KIF1A: variants seen among roughly 807,000 people sequenced by gnomAD.
The protein encoded by KIF1A is kinesin-like protein KIF1A.
KIF1A carries 46 observed loss-of-function variants against 227.3 expected under a neutral mutation model. The observed-to-expected ratio is 0.20, with a 90% confidence interval of 0.16 to 0.26. The LOEUF is 0.26. Among genes scored for constraint, KIF1A ranks in the 10% least tolerant of loss-of-function variants. The pLI, the probability that KIF1A is intolerant of heterozygous loss-of-function variation, is 1.00. For synonymous variants in KIF1A, 1,022 were observed against 1,012.8 expected, an observed-to-expected ratio of 1.01 and a Z score of -0.17; for missense variants, 1,683 against 2,485.9, an observed-to-expected ratio of 0.68 and a Z score of 6.87.
At chr2:240,814,440 A>C (rs969164386) in intron 1 of KIF1A, among the ~76,000 whole-genome samples, 1 of 152,012 alleles carries the variant, frequency 6.6e-6, no homozygotes, top group Non-Finnish European at 1.5e-5. Flanking sequence ...CAGCAAAAAC[A>C]CTCTCACACA....
At chr2:240,807,040 G>A (rs2057453934) in intron 1 of KIF1A, among the ~76,000 whole-genome samples, 1 of 151,188 alleles carries the variant, frequency 6.6e-6, no homozygotes, top group African/African-American at 2.4e-5. Context: ...ATATGAGCTG[G>A]TGTACTATTT....
In KIF1A at chr2:240,725,733, G is replaced by A. The variant is rs11676368; in HGVS notation, c.4123-329C>T. On this transcript the variant is annotated intron_variant, in intron 39 of 48. Coordinates refer to ENST00000498729, the MANE Select transcript of KIF1A (RefSeq NM_001244008.2). The surrounding 1 kb of genome is among the most constrained non-coding windows in gnomAD (Gnocchi z 5.8). ...CATAAAATTGGGGTGACCCCTCCCC[G>A]ACCCTGGAATGTCTGTGAGGATCAA... 1,726 of 277,214 alleles carry A rather than the reference G, an allele frequency of 6.2e-3. 11 individuals carry two copies. Among genetic ancestry groups the A allele is most frequent in the Non-Finnish European group, 9.1e-3 (1,353 of 148,462 alleles). 17.2% of individuals were successfully genotyped at this position (277,214 alleles called of 1,614,324 possible).
At chr2:240,770,564 C>G (rs548782748) in intron 15 of KIF1A, among the ~76,000 whole-genome samples, 41 of 152,314 alleles carry the variant, frequency 2.7e-4, no homozygotes, top group African/African-American at 9.4e-4. Context: ...GCTCACTGCT[C>G]CTTGAACAAG....
chr2:240,721,164 C>CTT (rs2045327779), intron 44 of KIF1A, 126 bp from the exon 45 acceptor site: 1 of 1,287,206 alleles, frequency 7.8e-7, no homozygotes, highest in Non-Finnish European at 1.1e-6. Flanking sequence ...CTCCTACCAG[C>CTT]AGCCTTGGCT....
In KIF1A at chr2:240,744,071, G is replaced by C. The variant is rs1559494216; in HGVS notation, c.3466-11C>G. 6.3e-7 allele frequency: 1 copy of C among 1,582,242 alleles called. No homozygotes were observed. Among genetic ancestry groups the C allele is most frequent in the South Asian group, 1.1e-5 (1 of 90,448 alleles). On this transcript the variant is annotated splice_polypyrimidine_tract_variant and intron_variant, in intron 32 of 48. Transcript: ENST00000498729. ...CACCTCCACTGCGATCTGGTGGGCA[G>C]GCAGGTGGGAGGACAGGAGGGCACG...
At chr2:240,769,420 C>G (rs1460580306) in intron 16 of KIF1A, among the ~76,000 whole-genome samples, 1 of 152,148 alleles carries the variant, frequency 6.6e-6, no homozygotes, top group Non-Finnish European at 1.5e-5. Flanking sequence ...GGCCTCAGGT[C>G]TCTCAGGCCT....
chr2:240,735,785 G>A (rs969894459), intron 38 of KIF1A, among the ~76,000 whole-genome samples: 7 of 152,102 alleles, frequency 4.6e-5, no homozygotes, highest in Admixed American at 1.3e-4. Context: ...GCCCCGGCCC[G>A]TCCCACCTGG....
chr2:240,771,902 C>G (rs1247945497), intron 14 of KIF1A, among the ~76,000 whole-genome samples: 1 of 152,162 alleles, frequency 6.6e-6, no homozygotes, highest in African/African-American at 2.4e-5. Context: ...CAGGGGTCTC[C>G]TAGCGGAAGC....
chr2:240,761,420 A>C (rs1575587979), intron 23 of KIF1A, 43 bp from the exon 24 acceptor site: 1 of 1,509,012 alleles, frequency 6.6e-7, no homozygotes, highest in Non-Finnish European at 8.9e-7. Flanking sequence ...GAAGGCCATG[A>C]CCCTGCCCAC....
At position 240,752,232 on chromosome 2, in the gene KIF1A, A is replaced by C. The variant is rs1418410013; in HGVS notation, c.2859-1685T>G. On this transcript the variant is annotated intron_variant, in intron 27 of 48. Transcript: ENST00000498729. This position sits in a 1 kb window ranked among gnomAD's most constrained non-coding sequence, Gnocchi z 6.4. ...AGGGACTTGTTACCCACAGGGCTGC[A>C]GGCGGCTCTGCCTGACTTAGGTGTG... Among the ~76,000 whole-genome samples, 1 of 151,536 alleles carries C rather than the reference A, an allele frequency of 6.6e-6. No homozygotes were observed. The highest frequency in any genetic ancestry group is 2.4e-5 in the African/African-American group (1 of 41,186).
At chr2:240,762,213 T>C (rs760972159) in intron 23 of KIF1A, among the ~76,000 whole-genome samples, 2 of 152,222 alleles carry the variant, frequency 1.3e-5, no homozygotes, top group Non-Finnish European at 2.9e-5. Flanking sequence ...CCCACCTGCA[T>C]GTGGGCCACC....
intron 27 of KIF1A, among the ~76,000 whole-genome samples, chr2:240,754,872 GC>G (rs2049650152): frequency 1.3e-5 from 2 of 152,022 alleles, no homozygotes; most frequent in Non-Finnish European, 1.5e-5. Context: ...GCGTGGCCTT[GC>G]CAGTCCAGAG....
intron 1 of KIF1A, among the ~76,000 whole-genome samples, chr2:240,800,121 C>T (rs1024554620): frequency 5.4e-4 from 82 of 151,674 alleles, no homozygotes; most frequent in African/African-American, 8.9e-4. Context: ...CACACACACA[C>T]ACACACACAC....
chr2:240,798,863 G>A (rs1371869734), intron 1 of KIF1A, among the ~76,000 whole-genome samples: 3 of 152,178 alleles, frequency 2.0e-5, no homozygotes, highest in Admixed American at 6.5e-5. Flanking sequence ...AGAGGTTTTC[G>A]CCAATTGCTG....
intron 2 of KIF1A, among the ~76,000 whole-genome samples, chr2:240,791,877 G>T (rs1189228211): frequency 6.8e-6 from 1 of 147,602 alleles, no homozygotes; most frequent in Non-Finnish European, 1.5e-5. Context: ...GGCCTGTGTT[G>T]TGGCTGGGAC....
At chr2:240,720,271 A>C in intron 45 of KIF1A, 2 of 202,906 alleles carry the variant, frequency 9.9e-6, no homozygotes, top group Non-Finnish European at 9.9e-6. Flanking sequence ...CTCCACAACT[A>C]GACTGAAGGT....
intron 10 of KIF1A, chr2:240,782,255 C>T: frequency 1.0e-6 from 1 of 959,088 alleles, no homozygotes; most frequent in Non-Finnish European, 1.2e-6. Context: ...GGCTCCCCAG[C>T]CCTCTCCATG....
At chr2:240,729,451 T>C (rs979742672) in intron 38 of KIF1A, among the ~76,000 whole-genome samples, 3 of 152,222 alleles carry the variant, frequency 2.0e-5, no homozygotes, top group African/African-American at 7.2e-5. Context: ...GCCCAGGCAC[T>C]CCTCATTCAT....
At chr2:240,722,316 G>A in intron 43 of KIF1A, 140 bp downstream of exon 43, 1 of 779,492 alleles carries the variant, frequency 1.3e-6, no homozygotes, top group South Asian at 1.8e-5. Flanking sequence ...GGGACCCTAG[G>A]GACCCCTCAA....
Sources: allele counts gnomAD v4.1 joint callset (sites outside exome capture counted in the v4.1 genomes callset), GRCh38; gene constraint gnomAD v4.1.1; non-coding constraint Gnocchi (gnomAD v3.1); transcripts MANE v1.5; gene names NCBI Gene and HGNC (gene_info 2026-07-23, HGNC 2026-07-21).